Variants in PCSK5 observed in about 807,000 individuals in gnomAD.
PCSK5 encodes the protein prohormone convertase 5.
In PCSK5, 129 loss-of-function variants were observed where a neutral mutation model predicts 233.2. That is an observed-to-expected ratio of 0.55 (90% CI 0.48 to 0.64). PCSK5 has a LOEUF of 0.64. Among genes scored for constraint, PCSK5 ranks in the 30% least tolerant of loss-of-function variants. The probability of loss-of-function intolerance (pLI) is 0.00; values close to 1 mark genes in which losing one functional copy is unlikely to be tolerated. For missense variants in PCSK5, 2,076 were observed against 2,430.1 expected, an observed-to-expected ratio of 0.85 and a Z score of 3.06; for synonymous variants, 825 against 879.2, an observed-to-expected ratio of 0.94 and a Z score of 1.09.
chr9:76,110,932 AC>A (rs1311950649), intron 9 of PCSK5, among the ~76,000 whole-genome samples: 1 of 152,022 alleles, frequency 6.6e-6, no homozygotes. Flanking sequence ...ACTTGGCAAA[AC>A]CCATCTCTAC....
chr9:75,898,662 A>G (rs531983670), intron 1 of PCSK5, among the ~76,000 whole-genome samples: 37 of 97,188 alleles, frequency 3.8e-4, no homozygotes, highest in African/African-American at 1.8e-3. Context: ...ATGTGGGATA[A>G]GAAAAAAAAA....
In PCSK5 at chr9:76,302,187, C is replaced by A. The variant is rs769935829; in HGVS notation, c.3574C>A (p.Arg1192=). ...TGTGGTGAAGAGCCTGCTGCAGGAGCGACGAAGGTGGAAAGTTCAAATCAA... is the reference window on the plus strand; with the variant it reads ...TGTGGTGAAGAGCCTGCTGCAGGAGAGACGAAGGTGGAAAGTTCAAATCAA... ...LSVVKSLLQE[R]RRWKVQIKRD... Residue 1192 remains arginine, a synonymous_variant, in exon 28 of 38, where the codon CGA becomes AGA. Coordinates refer to ENST00000674117, the MANE Select transcript of PCSK5 (RefSeq NM_001372043.1). The A allele has an allele frequency of 7.4e-7, 1 of 1,350,178 alleles. No individual in the cohort carries two copies. The highest frequency in any genetic ancestry group is 1.2e-5 in the South Asian group (1 of 85,372). 83.6% of individuals were successfully genotyped at this position (1,350,178 alleles called of 1,614,324 possible).
At chr9:76,168,192 T>C (rs573931453) in intron 12 of PCSK5, among the ~76,000 whole-genome samples, 2 of 152,276 alleles carry the variant, frequency 1.3e-5, no homozygotes, top group East Asian at 3.9e-4. Context: ...CCCTCTGTCA[T>C]CCAGGCTGGA....
intron 9 of PCSK5, among the ~76,000 whole-genome samples, chr9:76,111,458 A>G (rs1486513041): frequency 2.6e-5 from 4 of 152,204 alleles, no homozygotes; most frequent in African/African-American, 9.7e-5. Context: ...TCTAAAAATT[A>G]TGGACGATTT....
intron 10 of PCSK5, among the ~76,000 whole-genome samples, chr9:76,144,091 G>C (rs1316282895): frequency 6.6e-6 from 1 of 150,652 alleles, no homozygotes; most frequent in Non-Finnish European, 1.5e-5. Flanking sequence ...AAGCACTTAG[G>C]GTTTATAAAT....
At chr9:75,927,424 G>T (rs1035193907) in intron 1 of PCSK5, among the ~76,000 whole-genome samples, 5 of 148,100 alleles carry the variant, frequency 3.4e-5, no homozygotes, top group Non-Finnish European at 5.9e-5. Flanking sequence ...CACAGTGCTG[G>T]TGACCCCAGC....
intron 1 of PCSK5, among the ~76,000 whole-genome samples, chr9:75,930,056 T>C (rs1587376827): frequency 6.6e-6 from 1 of 151,920 alleles, no homozygotes; most frequent in African/African-American, 2.4e-5. Context: ...AGAGACGGGG[T>C]TTCACCATGT....
chr9:76,016,741 G>A (rs931135762), intron 3 of PCSK5, among the ~76,000 whole-genome samples: 1 of 152,186 alleles, frequency 6.6e-6, no homozygotes, highest in South Asian at 2.1e-4. Context: ...TGCACGATGG[G>A]TCAGGTTTGG....
chr9:76,349,526 C>G (rs1482091307), intron 35 of PCSK5, among the ~76,000 whole-genome samples: 3 of 152,140 alleles, frequency 2.0e-5, no homozygotes, highest in African/African-American at 7.2e-5. Context: ...GTTTGAAACT[C>G]AGAATTTATT....
chr9:75,978,625 G>A (rs1826128444), intron 2 of PCSK5, among the ~76,000 whole-genome samples: 1 of 152,136 alleles, frequency 6.6e-6, no homozygotes, highest in Non-Finnish European at 1.5e-5. Context: ...CACACAGGAT[G>A]TTTTTAGATG....
intron 8 of PCSK5, among the ~76,000 whole-genome samples, chr9:76,099,790 G>A (rs982618698): frequency 6.6e-6 from 1 of 152,138 alleles, no homozygotes; most frequent in Non-Finnish European, 1.5e-5. Context: ...AGTGCTACAG[G>A]AATGGCAGTG....
At chr9:76,300,110 C>T (rs545264630) in intron 27 of PCSK5, among the ~76,000 whole-genome samples, 1 of 152,294 alleles carries the variant, frequency 6.6e-6, no homozygotes, top group Middle Eastern at 3.4e-3. Context: ...GATCTTAATT[C>T]TAATCCTTGG....
intron 7 of PCSK5, among the ~76,000 whole-genome samples, chr9:76,093,080 CTTTTTTTTTTTTTT>C (rs71372045): frequency 3.5e-5 from 3 of 85,680 alleles, no homozygotes; most frequent in Non-Finnish European, 4.5e-5. Context: ...TTGTCTTTCC[CTTTTTTTTTTTTTT>C]TTTTTTTTTT....
At position 75,932,399 on chromosome 9, in the gene PCSK5, C is replaced by T; in HGVS notation, c.213C>T (p.Tyr71=). ...NIGQIGALKD[Y]YHFYHSRTIK... ...TGCAGATAGGGGCCCTGAAGGACTA[C>T]TACCACTTCTACCATAGCAGGACGA... The change falls in exon 2 of 38, where the codon TAC becomes TAT. Residue 71 remains tyrosine (Y), a synonymous_variant. Transcript: ENST00000674117. The T allele has an allele frequency of 6.2e-7, 1 of 1,611,118 alleles. No homozygotes were observed. Among genetic ancestry groups the T allele is most frequent in the East Asian group, 2.2e-5 (1 of 44,866 alleles).
At chr9:76,142,657 G>A (rs933624555) in intron 10 of PCSK5, among the ~76,000 whole-genome samples, 2 of 152,118 alleles carry the variant, frequency 1.3e-5, no homozygotes, top group African/African-American at 2.4e-5. Context: ...TCTGTTCAGA[G>A]TTTTGTAAGA....
intron 13 of PCSK5, among the ~76,000 whole-genome samples, chr9:76,174,453 C>T (rs1242489308): frequency 4.6e-5 from 7 of 151,868 alleles, no homozygotes; most frequent in African/African-American, 1.5e-4. Context: ...ACTACAGGCA[C>T]GTGCCACTGC....
At chr9:76,023,647 A>G in intron 3 of PCSK5, 91 bp from the exon 4 acceptor site, 1 of 1,209,416 alleles carries the variant, frequency 8.3e-7, no homozygotes, top group South Asian at 1.5e-5. Flanking sequence ...TGGGCAGCAG[A>G]GAAAAAAAAA....
rs770704401 is a variant in PCSK5, at chr9:76,292,189, C to T, written c.3143-44C>T. The T allele has an allele frequency of 1.4e-5, 17 of 1,177,244 alleles. No homozygotes were observed. The African/African-American group carries it at 1.5e-4, about 11-fold the overall frequency. The allele number at this position is 1,177,244 out of a possible 1,614,324, so 72.9% of individuals were successfully genotyped here. On this transcript the variant is annotated intron_variant, in intron 24 of 37. Transcript: ENST00000674117. ...TTTCAGACCCTATTTTTCCAAATGA[C>T]GAATTCCTCATGATTATTACTTTTT...
chr9:75,981,369 G>A (rs1308899804), intron 2 of PCSK5, among the ~76,000 whole-genome samples: 1 of 152,118 alleles, frequency 6.6e-6, no homozygotes, highest in Non-Finnish European at 1.5e-5. Context: ...GATCACATAG[G>A]TGACTGGTAG....
Sources: gnomAD v4.1 joint callset for allele counts (sites outside exome capture counted in the v4.1 genomes callset) on GRCh38, gnomAD v4.1.1 for gene constraint, MANE v1.5 for transcripts, NCBI Gene and HGNC (gene_info 2026-07-23, HGNC 2026-07-21) for gene names.